The following RPS6KA5 variants were observed in gnomAD, a reference collection of about 807,000 sequenced individuals.
RPS6KA5 encodes the protein ribosomal protein S6 kinase alpha-5.
A neutral mutation model predicts 85.5 loss-of-function variants in RPS6KA5; 27 were observed. The observed-to-expected ratio is 0.32, with a 90% confidence interval of 0.23 to 0.44. The LOEUF is 0.44. Ranked by LOEUF, RPS6KA5 falls within the 20% of genes least tolerant of loss-of-function variation. RPS6KA5 has a pLI of 1.00. For synonymous variants in RPS6KA5, 334 were observed against 348.2 expected (o/e 0.96, Z 0.46); for missense variants, 811 against 980.9 (o/e 0.83, Z 2.31).
At chr14:90,975,018 A>G (rs947949647) in intron 3 of RPS6KA5, among the ~76,000 whole-genome samples, 14 of 152,204 alleles carry the variant, frequency 9.2e-5, no homozygotes, top group Non-Finnish European at 1.9e-4. Context: ...ACAGATAGAC[A>G]TACAGACAAA....
chr14:90,948,125 T>A (rs1356467694), intron 3 of RPS6KA5, among the ~76,000 whole-genome samples: 2 of 152,252 alleles, frequency 1.3e-5, no homozygotes, highest in Non-Finnish European at 2.9e-5. Flanking sequence ...CATTTCCCTG[T>A]CAATTTTCTC....
chr14:90,998,007 GAAAAAAAAA>G (rs58227226), intron 2 of RPS6KA5, among the ~76,000 whole-genome samples: 4 of 59,902 alleles, frequency 6.7e-5, no homozygotes, highest in South Asian at 7.7e-4. Flanking sequence ...GACTCTGTCT[GAAAAAAAAA>G]AAAAAAAAAA....
chr14:90,883,175 T>G (rs764484513), intron 14 of RPS6KA5, among the ~76,000 whole-genome samples: 14 of 152,228 alleles, frequency 9.2e-5, no homozygotes, highest in Admixed American at 3.9e-4. Context: ...TCATCAAAAT[T>G]GGAAAGTTTT....
At chr14:91,006,835 C>T (rs918551932) in intron 1 of RPS6KA5, among the ~76,000 whole-genome samples, 1 of 152,140 alleles carries the variant, frequency 6.6e-6, no homozygotes, top group African/African-American at 2.4e-5. Flanking sequence ...TCCCAAAGTG[C>T]TGGGATTATG....
intron 5 of RPS6KA5, among the ~76,000 whole-genome samples, chr14:90,935,334 A>G (rs2037199794): frequency 6.6e-6 from 1 of 152,240 alleles, no homozygotes; most frequent in African/African-American, 2.4e-5. Flanking sequence ...TCTCAATGGT[A>G]TATTTTAATT....
intron 3 of RPS6KA5, among the ~76,000 whole-genome samples, chr14:90,970,998 C>T (rs2039294384): frequency 6.6e-6 from 1 of 151,890 alleles, no homozygotes; most frequent in African/African-American, 2.4e-5. Context: ...AAATCTGGTC[C>T]ACCACCATTT....
In RPS6KA5 at chr14:90,869,023, T is replaced by G. The variant is rs574500636; in HGVS notation, c.*3051A>C. The G allele has an allele frequency of 6.6e-6, 1 of 152,310 alleles. No homozygotes were observed. Among genetic ancestry groups the G allele is most frequent in the Non-Finnish European group, 1.5e-5 (1 of 68,028 alleles). The allele number at this position is 152,310 out of a possible 1,614,324, so 9.4% of individuals were successfully genotyped here. Reference sequence around the variant, plus strand: ...AGTAATTCAGTGGTTTCTTACTTTATAAAGGTTTGGAAGAATTAATGAATT... The same window carrying G: ...AGTAATTCAGTGGTTTCTTACTTTAGAAAGGTTTGGAAGAATTAATGAATT... On this transcript the variant is annotated 3_prime_UTR_variant, in exon 17 of 17. Coordinates refer to ENST00000614987, the MANE Select transcript of RPS6KA5 (RefSeq NM_004755.4).
At chr14:91,028,335 A>C (rs1339155381) in intron 1 of RPS6KA5, among the ~76,000 whole-genome samples, 2 of 152,024 alleles carry the variant, frequency 1.3e-5, no homozygotes, top group Non-Finnish European at 2.9e-5. Context: ...CTTTCACCTC[A>C]GCCTGCAGAG....
chr14:90,892,657 C>T (rs2034629814), intron 13 of RPS6KA5, among the ~76,000 whole-genome samples: 1 of 152,196 alleles, frequency 6.6e-6, no homozygotes, highest in African/African-American at 2.4e-5. Flanking sequence ...TGACTCTTAC[C>T]TAGACTTAGG....
intron 4 of RPS6KA5, among the ~76,000 whole-genome samples, chr14:90,946,169 T>C (rs1467496446): frequency 1.3e-5 from 2 of 152,158 alleles, no homozygotes; most frequent in Non-Finnish European, 2.9e-5. Flanking sequence ...ACAAAAATCA[T>C]CTTAAAGCTT....
intron 7 of RPS6KA5, among the ~76,000 whole-genome samples, chr14:90,907,488 C>T (rs548370815): frequency 2.6e-5 from 4 of 152,150 alleles, no homozygotes; most frequent in Non-Finnish European, 5.9e-5. Context: ...AGCAAATGCT[C>T]AATCAATGTG....
intron 3 of RPS6KA5, among the ~76,000 whole-genome samples, chr14:90,961,580 T>C (rs1350693539): frequency 4.6e-5 from 7 of 152,196 alleles, no homozygotes; most frequent in African/African-American, 1.7e-4. Context: ...AATTTTGCAG[T>C]CTTACATGCT....
intron 1 of RPS6KA5, among the ~76,000 whole-genome samples, chr14:91,021,516 G>C (rs184008172): frequency 1.5e-4 from 23 of 152,200 alleles, no homozygotes; most frequent in Admixed American, 1.0e-3. Flanking sequence ...TGGTTCTCGC[G>C]ATTCTCCTGC....
At chr14:91,032,794 A>G (rs1474297261) in intron 1 of RPS6KA5, among the ~76,000 whole-genome samples, 1 of 152,160 alleles carries the variant, frequency 6.6e-6, no homozygotes, top group Admixed American at 6.5e-5. Context: ...ATAGAAAAAA[A>G]AAAAGAAAAA....
At chr14:90,957,679 A>G (rs892877761) in intron 3 of RPS6KA5, among the ~76,000 whole-genome samples, 2 of 152,182 alleles carry the variant, frequency 1.3e-5, no homozygotes, top group African/African-American at 4.8e-5. Flanking sequence ...TTGCAGGAGT[A>G]GCTTTTGAGG....
At chr14:90,927,850 A>C (rs1173037081) in intron 5 of RPS6KA5, among the ~76,000 whole-genome samples, 1 of 152,124 alleles carries the variant, frequency 6.6e-6, no homozygotes, top group Non-Finnish European at 1.5e-5. Flanking sequence ...ATTCATGAAA[A>C]TATACAAAAT....
Position 90,855,336 on chromosome 14 carries a change from C to T in RPS6KA5, c.*16738G>A, listed in dbSNP as rs1231808755. ...TCAGCTAACTGCACAAATGAGCCTGCTTCTGAGACAAAGTTAACATAGGTA... is the reference window on the plus strand; with the variant it reads ...TCAGCTAACTGCACAAATGAGCCTGTTTCTGAGACAAAGTTAACATAGGTA... On this transcript the variant is annotated 3_prime_UTR_variant, in exon 17 of 17. Transcript: ENST00000614987. The T allele has an allele frequency of 1.3e-5, 2 of 152,200 alleles. No individual in the cohort carries two copies. The highest frequency in any genetic ancestry group is 2.9e-5 in the Non-Finnish European group (2 of 68,024). The allele number at this position is 152,200 out of a possible 1,614,324, so 9.4% of individuals were successfully genotyped here.
chr14:90,992,489 T>C (rs776412784), intron 2 of RPS6KA5, among the ~76,000 whole-genome samples: 6 of 152,238 alleles, frequency 3.9e-5, no homozygotes, highest in Non-Finnish European at 8.8e-5. Context: ...AAGTATTCAA[T>C]GTGTTGAAAG....
At chr14:90,887,673 T>G (rs1203643319) in intron 14 of RPS6KA5, among the ~76,000 whole-genome samples, 1 of 151,972 alleles carries the variant, frequency 6.6e-6, no homozygotes, top group African/African-American at 2.4e-5. Flanking sequence ...GAATTTAAAT[T>G]AAGCTGGGCA....
Sources: gnomAD v4.1 joint callset for allele counts (sites outside exome capture counted in the v4.1 genomes callset) on GRCh38, gnomAD v4.1.1 for gene constraint, MANE v1.5 for transcripts, NCBI Gene and HGNC (gene_info 2026-07-23, HGNC 2026-07-21) for gene names.